MEF2A: variants seen among roughly 807,000 people sequenced by gnomAD.
The protein encoded by MEF2A is myocyte enhancer factor 2A, also known as myocyte-specific enhancer factor 2A.
Under a neutral mutation model 55.8 loss-of-function variants are expected in MEF2A, and 28 were observed. That is an observed-to-expected ratio of 0.50 (90% CI 0.37 to 0.69). The LOEUF is 0.69. Among genes scored for constraint, MEF2A ranks in the 30% least tolerant of loss-of-function variants. The probability of loss-of-function intolerance (pLI) is 0.00; values close to 1 mark genes in which losing one functional copy is unlikely to be tolerated. For synonymous variants in MEF2A, 239 were observed against 227.1 expected (o/e 1.05, Z -0.47); for missense variants, 528 against 626.2 (o/e 0.84, Z 1.67).
intron 1 of MEF2A, among the ~76,000 whole-genome samples, chr15:99,595,345 C>G (rs756081436): frequency 3.9e-5 from 6 of 152,158 alleles, no homozygotes; most frequent in Non-Finnish European, 8.8e-5. Flanking sequence ...TCTCCTTCCT[C>G]TGGCAGTACT....
At chr15:99,641,755 C>T (rs755420043) in intron 3 of MEF2A, among the ~76,000 whole-genome samples, 1 of 152,078 alleles carries the variant, frequency 6.6e-6, no homozygotes, top group African/African-American at 2.4e-5. Context: ...TCCCACTGGC[C>T]GATTTCTTCT....
chr15:99,703,391 T>C lies in MEF2A; in HGVS notation c.882+6T>C. 1.2e-6 allele frequency: 2 copies of C among 1,602,398 alleles called. No individual in the cohort carries two copies. The highest frequency in any genetic ancestry group is 3.3e-4 in the Middle Eastern group (2 of 6,012). ...AGGAAGAGGAATTGGAGTTGGTGAG[T>C]GTGGGTTTCTGCTTGAAGGAAGTTG... On this transcript the variant is annotated splice_donor_region_variant and intron_variant, in intron 9 of 11. Transcript: ENST00000557942.
intron 2 of MEF2A, among the ~76,000 whole-genome samples, chr15:99,619,950 A>G (rs766603831): frequency 1.3e-5 from 2 of 152,214 alleles, no homozygotes; most frequent in Non-Finnish European, 2.9e-5. Flanking sequence ...CAAGATAGTA[A>G]AGTAGAAGCA....
At chr15:99,643,592 A>ATT (rs551157873) in intron 3 of MEF2A, among the ~76,000 whole-genome samples, 10 of 139,674 alleles carry the variant, frequency 7.2e-5, no homozygotes, top group South Asian at 2.3e-4. Context: ...TATATTGAGA[A>ATT]TTTTTTTTTT....
In MEF2A at chr15:99,662,474, T is replaced by A. The variant is rs529673522; in HGVS notation, c.259-8849T>A. ...GAAACTTAAGACATGATTTCTTTTTTCCTCTTTTTTTTTTTTTTGAGACAG... is the reference window on the plus strand; with the variant it reads ...GAAACTTAAGACATGATTTCTTTTTACCTCTTTTTTTTTTTTTTGAGACAG... On this transcript the variant is annotated intron_variant, in intron 4 of 11. Coordinates refer to ENST00000557942, the MANE Select transcript of MEF2A (RefSeq NM_001319206.4). Among the ~76,000 whole-genome samples, 10 of 151,714 alleles carry A rather than the reference T, an allele frequency of 6.6e-5. No homozygotes were observed. The East Asian group carries it at 1.9e-3, about 29-fold the overall frequency.
chr15:99,637,430 T>A (rs1180352685), intron 3 of MEF2A, among the ~76,000 whole-genome samples: 1 of 152,224 alleles, frequency 6.6e-6, no homozygotes, highest in Non-Finnish European at 1.5e-5. Flanking sequence ...TAAAGCATTA[T>A]TAACATTTCT....
At chr15:99,704,129 G>A (rs184247204) in intron 9 of MEF2A, among the ~76,000 whole-genome samples, 527 of 152,262 alleles carry the variant, frequency 3.5e-3, no homozygotes, top group Non-Finnish European at 5.8e-3. Context: ...GACTTTAAGG[G>A]GAATAAAAAC....
At chr15:99,683,950 CAT>C (rs918468606) in intron 7 of MEF2A, among the ~76,000 whole-genome samples, 8 of 152,224 alleles carry the variant, frequency 5.3e-5, no homozygotes, top group South Asian at 2.1e-4. Context: ...TAAGTGAAAA[CAT>C]GTGATGTTTG....
chr15:99,597,102 G>A lies in MEF2A; in HGVS notation c.-224-1328G>A, dbSNP rs1971445549. ...TGTGGGCACCTTGAAAAAAAGAACA[G>A]GATAACAGCAATGTTTAGGCAGCAA... On this transcript the variant is annotated intron_variant, in intron 1 of 11. Transcript: ENST00000557942. Among the ~76,000 whole-genome samples, 4 of 152,122 alleles carry A rather than the reference G, an allele frequency of 2.6e-5. No individual in the cohort carries two copies. In the South Asian group the frequency reaches 6.2e-4, roughly 24 times the overall value.
intron 3 of MEF2A, among the ~76,000 whole-genome samples, chr15:99,637,814 T>C (rs905614565): frequency 1.3e-5 from 2 of 152,164 alleles, no homozygotes; most frequent in Non-Finnish European, 2.9e-5. Context: ...GGCTAATTTT[T>C]TTGTATTTTT....
chr15:99,596,878 A>G (rs536643730), intron 1 of MEF2A, among the ~76,000 whole-genome samples: 1 of 152,330 alleles, frequency 6.6e-6, no homozygotes, highest in South Asian at 2.1e-4. Flanking sequence ...GGCTGAAGCC[A>G]TGGCAGAAGA....
At chr15:99,570,220 G>A (rs916661132) in intron 1 of MEF2A, among the ~76,000 whole-genome samples, 1 of 152,102 alleles carries the variant, frequency 6.6e-6, no homozygotes, top group Non-Finnish European at 1.5e-5. Flanking sequence ...AAGTGATGTT[G>A]ATAAAAGCCA....
At chr15:99,598,077 T>A (rs982765024) in intron 1 of MEF2A, among the ~76,000 whole-genome samples, 1 of 152,186 alleles carries the variant, frequency 6.6e-6, no homozygotes, top group Non-Finnish European at 1.5e-5. Flanking sequence ...AACTAGTAAG[T>A]TCAATAGGCT....
chr15:99,650,696 T>C (rs191465729), intron 4 of MEF2A, among the ~76,000 whole-genome samples: 5 of 152,308 alleles, frequency 3.3e-5, no homozygotes, highest in Non-Finnish European at 7.4e-5. Flanking sequence ...CAGTATAAGA[T>C]CCATCTATCA....
In MEF2A at chr15:99,645,664, A is replaced by G. The variant is rs2045844594; in HGVS notation, c.158A>G (p.Lys53Arg). Residue 53 changes from lysine to arginine, a missense_variant, in exon 4 of 12, where the codon AAA (lysine) becomes AGA (arginine). By Grantham distance (26) the Lys-to-Arg change is conservative (BLOSUM62 2). Coordinates refer to ENST00000557942, the MANE Select transcript of MEF2A (RefSeq NM_001319206.4). Reference sequence around the variant, plus strand: ...CTCATCATTTTCAACAGCTCTAACAAACTGTTTCAATATGCTAGCACTGAT... The same window carrying G: ...CTCATCATTTTCAACAGCTCTAACAGACTGTTTCAATATGCTAGCACTGAT... Reference protein sequence around the residue: ...IALIIFNSSNKLFQYASTDMD... With the variant: ...IALIIFNSSNRLFQYASTDMD... 6.2e-7 allele frequency: 1 copy of G among 1,613,612 alleles called. No individual in the cohort carries two copies. The highest frequency in any genetic ancestry group is 8.5e-7 in the Non-Finnish European group (1 of 1,179,698).
chr15:99,611,431 TGTTATA>T (rs1337106823), intron 2 of MEF2A, among the ~76,000 whole-genome samples: 1 of 152,172 alleles, frequency 6.6e-6, no homozygotes. Flanking sequence ...AGATGCTTAA[TGTTATA>T]GTTGTTAGGG....
intron 1 of MEF2A, among the ~76,000 whole-genome samples, chr15:99,583,276 C>T (rs1257275914): frequency 1.3e-5 from 2 of 152,128 alleles, no homozygotes; most frequent in African/African-American, 2.4e-5. Context: ...CAAATGTCCT[C>T]TGAGGCTTCT....
intron 1 of MEF2A, among the ~76,000 whole-genome samples, chr15:99,574,894 T>C (rs1376138802): frequency 6.6e-6 from 1 of 152,198 alleles, no homozygotes; most frequent in East Asian, 1.9e-4. Flanking sequence ...ATTCAGGTTA[T>C]ATACAGGGAT....
At chr15:99,569,325 C>T (rs774504685) in intron 1 of MEF2A, among the ~76,000 whole-genome samples, 2 of 152,190 alleles carry the variant, frequency 1.3e-5, no homozygotes, top group East Asian at 1.9e-4. Context: ...GCTTTTGTTT[C>T]TTCTTTCCTC....
Sources: allele counts gnomAD v4.1 joint callset (sites outside exome capture counted in the v4.1 genomes callset), GRCh38; gene constraint gnomAD v4.1.1; transcripts MANE v1.5; gene names NCBI Gene and HGNC (gene_info 2026-07-23, HGNC 2026-07-21).